Variants in MYH11 observed in about 807,000 individuals in gnomAD.
MYH11 encodes the protein myosin-11.
In MYH11, 80 loss-of-function variants were observed where a neutral mutation model predicts 246.6. The ratio of observed to expected loss-of-function variants is 0.32; its 90% confidence interval spans 0.27 to 0.39. The LOEUF is 0.39. Among genes scored for constraint, MYH11 ranks in the 10% least tolerant of loss-of-function variants. MYH11 has a pLI of 1.00. For synonymous variants in MYH11, 1,071 were observed against 1,015.5 expected (o/e 1.05, Z -1.04); for missense variants, 2,158 against 2,546.8 (o/e 0.85, Z 3.29).
chr16:15,712,336 T>C (rs1375350404), intron 40 of MYH11, among the ~76,000 whole-genome samples: 1 of 152,098 alleles, frequency 6.6e-6, no homozygotes, highest in Non-Finnish European at 1.5e-5. Flanking sequence ...TTGAGACCTC[T>C]CACCTAGCGC....
At chr16:15,704,354 C>CG (rs1275820024) in intron 40 of MYH11, among the ~76,000 whole-genome samples, 12 of 151,988 alleles carry the variant, frequency 7.9e-5, no homozygotes, top group Non-Finnish European at 1.0e-4. Flanking sequence ...AAATTGGTTG[C>CG]GGGGGTGGGT....
chr16:15,734,426 G>A lies in MYH11; in HGVS notation c.3506+940C>T, dbSNP rs566715901. Among the ~76,000 whole-genome samples, 3 of 152,236 alleles carry A rather than the reference G, an allele frequency of 2.0e-5. No homozygotes were observed. In the East Asian group the frequency reaches 5.8e-4, roughly 29 times the overall value. On this transcript the variant is annotated intron_variant, in intron 26 of 40. Transcript: ENST00000300036. ...TGACTCTACTGCCTCAGCCTCCTGAGTAGCTGGGATTTACAGGCATGCGCC... is the reference window on the plus strand; with the variant it reads ...TGACTCTACTGCCTCAGCCTCCTGAATAGCTGGGATTTACAGGCATGCGCC...
intron 2 of MYH11, among the ~76,000 whole-genome samples, chr16:15,829,144 C>T (rs1478750279): frequency 6.6e-6 from 1 of 151,508 alleles, no homozygotes; most frequent in Non-Finnish European, 1.5e-5. Context: ...GATCATGCCA[C>T]CACACTCCAG....
In MYH11 at chr16:15,724,153, C is replaced by G. The variant is rs745767380; in HGVS notation, c.4365+8G>C. Reference sequence around the variant, plus strand: ...TGGCCAGAGTGGGGGACACCCCACGCCCTCTACCTGATCAAATTTCCTCTG... The same window carrying G: ...TGGCCAGAGTGGGGGACACCCCACGGCCTCTACCTGATCAAATTTCCTCTG... On this transcript the variant is annotated splice_region_variant and intron_variant, in intron 31 of 40. Coordinates refer to ENST00000300036, the MANE Select transcript of MYH11 (RefSeq NM_002474.3). The G allele has an allele frequency of 1.2e-6, 2 of 1,612,864 alleles. No homozygotes were observed. Among genetic ancestry groups the G allele is most frequent in the Non-Finnish European group, 1.7e-6 (2 of 1,180,032 alleles).
At chr16:15,754,852 TA>T (rs1238270905) in intron 14 of MYH11, among the ~76,000 whole-genome samples, 1 of 152,202 alleles carries the variant, frequency 6.6e-6, no homozygotes, top group African/African-American at 2.4e-5. Context: ...AAATTTTTTT[TA>T]TTTTTTATTT....
In MYH11 at chr16:15,760,676, A is replaced by C; in HGVS notation, c.1130-18T>G. 6.6e-7 allele frequency: 1 copy of C among 1,504,974 alleles called. No homozygotes were observed. Among genetic ancestry groups the C allele is most frequent in the South Asian group, 1.1e-5 (1 of 88,834 alleles). The allele number at this position is 1,504,974 out of a possible 1,614,324, so 93.2% of individuals were successfully genotyped here. A position where few individuals can be genotyped will look rare whatever the true frequency, so the allele number is the denominator to read the frequency against. On this transcript the variant is annotated intron_variant, in intron 10 of 40. Transcript: ENST00000300036. Reference sequence around the variant, plus strand: ...CTGAGCAGCTGGATGGAGAAAAGAAACATCGTGAGTGCATCACAAAAGAAA... The same window carrying C: ...CTGAGCAGCTGGATGGAGAAAAGAACCATCGTGAGTGCATCACAAAAGAAA...
chr16:15,811,654 G>T (rs2043139945), intron 3 of MYH11, among the ~76,000 whole-genome samples: 1 of 151,980 alleles, frequency 6.6e-6, no homozygotes. Context: ...TGGGTGAGCA[G>T]GAACCATCCC....
Position 15,771,670 on chromosome 16 carries a change from G to A in MYH11, c.932C>T (p.Ser311Phe), listed in dbSNP as rs866269205. 1.2e-6 allele frequency: 2 copies of A among 1,614,082 alleles called. No individual in the cohort carries two copies. The highest frequency in any genetic ancestry group is 1.7e-6 in the Non-Finnish European group (2 of 1,180,010). ...TGCTGGGATGGGCACAAAGCCATTGGAGAGGAAGGTGTAGTTGTTGAAGCC... is the reference window on the plus strand; with the variant it reads ...TGCTGGGATGGGCACAAAGCCATTGAAGAGGAAGGTGTAGTTGTTGAAGCC... ...LEGFNNYTFL[S>F]NGFVPIPAAQ... Residue 311 changes from serine (S) to phenylalanine (F), a missense_variant, in exon 9 of 41, where the codon TCC becomes TTC. Transcript: ENST00000300036.
chr16:15,764,295 C>G (rs558248589), intron 9 of MYH11, among the ~76,000 whole-genome samples: 1 of 152,260 alleles, frequency 6.6e-6, no homozygotes, highest in South Asian at 2.1e-4. Context: ...AATGTGTTAG[C>G]AACCCCTGCC....
intron 38 of MYH11, among the ~76,000 whole-genome samples, 173 bp downstream of exon 38, chr16:15,716,967 G>A (rs953262393): frequency 6.6e-6 from 1 of 152,160 alleles, no homozygotes; most frequent in African/African-American, 2.4e-5. Context: ...GAACCAGCAG[G>A]GCACTTTGCT....
At chr16:15,729,476 C>A (rs2040896860) in intron 27 of MYH11, among the ~76,000 whole-genome samples, 1 of 152,054 alleles carries the variant, frequency 6.6e-6, no homozygotes, top group Admixed American at 6.6e-5. Flanking sequence ...CTTCTAGCTC[C>A]TGTTCACGTC....
At chr16:15,768,817 T>C (rs2042037033) in intron 9 of MYH11, among the ~76,000 whole-genome samples, 1 of 150,688 alleles carries the variant, frequency 6.6e-6, no homozygotes, top group African/African-American at 2.5e-5. Context: ...GTCTGGTCTC[T>C]GTGGTTAAAG....
At chr16:15,778,081 G>C (rs1239054895) in intron 7 of MYH11, among the ~76,000 whole-genome samples, 1 of 152,100 alleles carries the variant, frequency 6.6e-6, no homozygotes, top group Non-Finnish European at 1.5e-5. Context: ...TGAGCCCTAG[G>C]GCCGCCTGCA....
intron 2 of MYH11, among the ~76,000 whole-genome samples, 196 bp from the exon 3 acceptor site, chr16:15,823,607 T>C (rs1567200765): frequency 1.3e-5 from 2 of 152,026 alleles, no homozygotes; most frequent in Non-Finnish European, 2.9e-5. Context: ...TGCCTATGTT[T>C]TATTTTGCAA....
At chr16:15,706,714 A>G (rs1453991684) in intron 40 of MYH11, among the ~76,000 whole-genome samples, 1 of 151,958 alleles carries the variant, frequency 6.6e-6, no homozygotes, top group Non-Finnish European at 1.5e-5. Flanking sequence ...AAAAAAAAAA[A>G]CAAAAAAAAA....
chr16:15,755,971 ACCTGTAGT>A (rs2041702829), intron 14 of MYH11, among the ~76,000 whole-genome samples: 1 of 151,860 alleles, frequency 6.6e-6, no homozygotes, highest in African/African-American at 2.4e-5. Flanking sequence ...GGTGGTGTAC[ACCTGTAGT>A]CCCAGCTACT....
At chr16:15,737,728 A>G (rs936482456) in intron 24 of MYH11, 108 bp from the exon 25 acceptor site, 11 of 1,110,186 alleles carry the variant, frequency 9.9e-6, no homozygotes, top group South Asian at 2.6e-5. Flanking sequence ...ACATCCCCCA[A>G]TCAGTAACCA....
At chr16:15,825,355 C>A (rs2043531561) in intron 2 of MYH11, among the ~76,000 whole-genome samples, 1 of 146,238 alleles carries the variant, frequency 6.8e-6, no homozygotes, top group African/African-American at 2.6e-5. Flanking sequence ...TTGAGACCAG[C>A]TCAGGCAACA....
intron 2 of MYH11, among the ~76,000 whole-genome samples, chr16:15,826,770 T>C (rs910168847): frequency 2.6e-5 from 4 of 151,674 alleles, no homozygotes; most frequent in African/African-American, 7.3e-5. Flanking sequence ...GGAGGGCAGA[T>C]TGCTCACACT....
Sources: allele counts gnomAD v4.1 joint callset (sites outside exome capture counted in the v4.1 genomes callset), GRCh38; gene constraint gnomAD v4.1.1; transcripts MANE v1.5; gene names NCBI Gene and HGNC (gene_info 2026-07-23, HGNC 2026-07-21).